CHAT: variants seen among roughly 807,000 people sequenced by gnomAD.
CHAT encodes choline O-acetyltransferase.
Under a neutral mutation model 76.9 loss-of-function variants are expected in CHAT, and 61 were observed. The ratio of observed to expected loss-of-function variants is 0.79; its 90% confidence interval spans 0.65 to 0.98. CHAT has a LOEUF of 0.98. CHAT is among the 50% of genes least tolerant of loss of function. The probability of loss-of-function intolerance (pLI) is 0.00; values close to 1 mark genes in which losing one functional copy is unlikely to be tolerated. For synonymous variants in CHAT, 407 were observed against 397.4 expected (o/e 1.02, Z -0.29); for missense variants, 946 against 986.9 (o/e 0.96, Z 0.56).
At chr10:49,647,671 G>A (rs888175545) in intron 8 of CHAT, among the ~76,000 whole-genome samples, 2 of 152,108 alleles carry the variant, frequency 1.3e-5, no homozygotes, top group Non-Finnish European at 2.9e-5. Flanking sequence ...GAGCTGTGGG[G>A]GTGAACCGAT....
rs1041358496 is a variant in CHAT, at chr10:49,666,199, G to T, written c.*1153G>T. Among the ~76,000 whole-genome samples, 2 of 152,136 alleles carry T rather than the reference G, an allele frequency of 1.3e-5. No homozygotes were observed. The highest frequency in any genetic ancestry group is 1.9e-4 in the East Asian group (1 of 5,168). On this transcript the variant is annotated 3_prime_UTR_variant, in exon 15 of 15. Coordinates refer to ENST00000337653, the MANE Select transcript of CHAT (RefSeq NM_020549.5). Reference sequence around the variant, plus strand: ...GGGACAGCTGGCAGGGAGCAGGGCTGGGAGGAGGGCACAGCCTCCTCCAGA... The same window carrying T: ...GGGACAGCTGGCAGGGAGCAGGGCTTGGAGGAGGGCACAGCCTCCTCCAGA...
intron 7 of CHAT, among the ~76,000 whole-genome samples, chr10:49,638,771 C>T (rs1422091873): frequency 1.3e-5 from 2 of 152,054 alleles, no homozygotes; most frequent in Non-Finnish European, 2.9e-5. Flanking sequence ...CATTTAGAAC[C>T]ACATCAGGCA....
rs1314824391 is a variant in CHAT at position 49,655,163 on chromosome 10, A to G, written c.1703A>G (p.Asp568Gly). Residue 568 changes from aspartate (D) to glycine (G), a missense_variant, in exon 12 of 15, where the codon GAC (aspartate) becomes GGC (glycine). By Grantham distance (94) the Asp-to-Gly change is moderately conservative (BLOSUM62 -1). This residue lies in a region of CHAT where 349 missense variants were observed against 393.9 expected (regional missense o/e 0.89). Coordinates refer to ENST00000337653, the MANE Select transcript of CHAT (RefSeq NM_020549.5). Reference protein sequence around the residue: ...SIRRFQEGRVDNIRSATPEAL... With the variant: ...SIRRFQEGRVGNIRSATPEAL... ...CGCCGATTCCAGGAGGGACGCGTGG[A>G]CAACATCAGATCGGCCACTCCAGAG... is the stretch of plus-strand genomic sequence containing the variant. 1 of 1,614,010 alleles carries G rather than the reference A, an allele frequency of 6.2e-7. No homozygotes were observed. Among genetic ancestry groups the G allele is most frequent in the East Asian group, 2.2e-5 (1 of 44,882 alleles).
Position 49,620,589 on chromosome 10 carries a change from T to G in CHAT, c.674T>G (p.Phe225Cys). ...GCCGTGATCTTTGCTCGGCAGCACTTCCCTGGCACCGATGACCAGCTGAGG... is the reference window on the plus strand; with the variant it reads ...GCCGTGATCTTTGCTCGGCAGCACTGCCCTGGCACCGATGACCAGCTGAGG... ...SPAVIFARQH[F>C]PGTDDQLRFA... is the part of the protein sequence containing the mutation. Residue 225 changes from phenylalanine (F) to cysteine (C), a missense_variant, in exon 4 of 15, where the codon TTC becomes TGC. Phe to Cys is a radical substitution (Grantham distance 205). Coordinates refer to ENST00000337653, the MANE Select transcript of CHAT (RefSeq NM_020549.5). The G allele has an allele frequency of 6.2e-7, 1 of 1,613,414 alleles. No individual in the cohort carries two copies. The highest frequency in any genetic ancestry group is 1.1e-5 in the South Asian group (1 of 91,052).
chr10:49,644,290 T>C (rs1193052440), intron 7 of CHAT, among the ~76,000 whole-genome samples: 2 of 152,130 alleles, frequency 1.3e-5, no homozygotes, highest in Non-Finnish European at 2.9e-5. Flanking sequence ...CGCAGGGATC[T>C]AGGGTGGGAA....
chr10:49,611,745 C>A (rs765452393), upstream of CHAT: 15 of 1,604,586 alleles, frequency 9.3e-6, no homozygotes, highest in Non-Finnish European at 1.3e-5. Flanking sequence ...TGCCGGCCTT[C>A]GTGCCTCATG....
At chr10:49,612,292 T>C (rs1255542294), upstream of CHAT, 1 of 1,612,214 alleles carries the variant, frequency 6.2e-7, no homozygotes, top group Non-Finnish European at 8.5e-7. Context: ...GCCTGGCCCT[T>C]TTGATGCGTG....
chr10:49,649,528 TGATCCGAGCA>T lies in CHAT; in HGVS notation c.1406_1415del (p.Ile469ThrfsTer24). On this transcript the variant is annotated frameshift_variant, in exon 10 of 15. Coordinates refer to ENST00000337653, the MANE Select transcript of CHAT (RefSeq NM_020549.5). LOFTEE classifies it high-confidence loss of function. Reference sequence around the variant, plus strand: ...CGCAGGACGCAGAGCAGCAGGAAGCTGATCCGAGCAGACTCCGTCAGCGAGCTCCCCGCCC... The same window carrying T: ...CGCAGGACGCAGAGCAGCAGGAAGCTGACTCCGTCAGCGAGCTCCCCGCCC... 1 of 1,613,864 alleles carries T rather than the reference TGATCCGAGCA, an allele frequency of 6.2e-7. No homozygotes were observed. Among genetic ancestry groups the T allele is most frequent in the South Asian group, 1.1e-5 (1 of 91,090 alleles).
intron 1 of CHAT, chr10:49,615,761 C>T (rs2132699624): frequency 1.9e-6 from 1 of 513,780 alleles, no homozygotes. Context: ...ATTAATCTGC[C>T]TCTCCCCAGA....
Position 49,660,686 on chromosome 10 carries a change from T to G in CHAT, c.1840-1959T>G, listed in dbSNP as rs144600343. On this transcript the variant is annotated intron_variant, in intron 13 of 14. Coordinates refer to ENST00000337653, the MANE Select transcript of CHAT (RefSeq NM_020549.5). ...TATAAATATATGACAATAACAACTT[T>G]AAATTTATTAAAATGTCTAGGAAAA... Among the ~76,000 whole-genome samples the G allele has an allele frequency of 4.5e-3, 684 of 152,344 alleles. 7 individuals carry two copies. The highest frequency in any genetic ancestry group is 0.016 in the African/African-American group (657 of 41,586).
chr10:49,645,696 TC>T (rs1839637580), intron 7 of CHAT, among the ~76,000 whole-genome samples: 1 of 152,124 alleles, frequency 6.6e-6, no homozygotes, highest in Admixed American at 6.5e-5. Flanking sequence ...TGTGCCTGAC[TC>T]CCGCTCCTGA....
In CHAT at chr10:49,620,597, A is replaced by G; in HGVS notation, c.682A>G (p.Thr228Ala). The change falls in exon 4 of 15, where the codon ACC becomes GCC. Residue 228 changes from threonine to alanine, a missense_variant. Physicochemically the swap from Thr to Ala is moderately conservative, Grantham distance 58 (BLOSUM62 0). Transcript: ENST00000337653. Reference sequence around the variant, plus strand: ...CTTTGCTCGGCAGCACTTCCCTGGCACCGATGACCAGCTGAGGTGAGGCCT... The same window carrying G: ...CTTTGCTCGGCAGCACTTCCCTGGCGCCGATGACCAGCTGAGGTGAGGCCT... ...VIFARQHFPG[T>A]DDQLRFAASL... 1 of 1,613,112 alleles carries G rather than the reference A, an allele frequency of 6.2e-7. No homozygotes were observed. Among genetic ancestry groups the G allele is most frequent in the Non-Finnish European group, 8.5e-7 (1 of 1,179,276 alleles).
intron 7 of CHAT, among the ~76,000 whole-genome samples, chr10:49,630,483 C>A (rs1005571432): frequency 5.9e-5 from 9 of 152,128 alleles, no homozygotes; most frequent in African/African-American, 1.4e-4. Flanking sequence ...CAAATGCTTG[C>A]ACACTGACAG....
chr10:49,612,345 C>G, upstream of CHAT: 1 of 1,576,270 alleles, frequency 6.3e-7, no homozygotes, highest in East Asian at 2.3e-5. Flanking sequence ...GCTAGCATCC[C>G]CACTCCTCCT....
chr10:49,640,437 C>T (rs1839441370), intron 7 of CHAT, among the ~76,000 whole-genome samples: 1 of 152,038 alleles, frequency 6.6e-6, no homozygotes, highest in South Asian at 2.1e-4. Context: ...GAGGTGGAAG[C>T]ACAGGCACTT....
intron 7 of CHAT, among the ~76,000 whole-genome samples, chr10:49,643,201 T>C (rs377435076): frequency 4.6e-5 from 7 of 152,242 alleles, no homozygotes; most frequent in East Asian, 1.9e-4. Context: ...ATTTGGCACA[T>C]AGTAGGTGCT....
rs545060554 is a variant in CHAT at position 49,644,952 on chromosome 10, A to G, written c.1112-1553A>G. On this transcript the variant is annotated intron_variant, in intron 7 of 14. Coordinates refer to ENST00000337653, the MANE Select transcript of CHAT (RefSeq NM_020549.5). ...CAAAACGCAGGCGAGAGCTCCCACC[A>G]TTATATCTGTGATCCAGGCAGCAGG... 2.6e-5 allele frequency among the ~76,000 whole-genome samples: 4 copies of G among 152,308 alleles called. No individual in the cohort carries two copies. The South Asian group carries it at 8.3e-4, about 32-fold the overall frequency.
upstream of CHAT, chr10:49,611,467 G>A (rs771935500): frequency 1.3e-6 from 2 of 1,599,054 alleles, no homozygotes; most frequent in African/African-American, 1.3e-5. Context: ...CGGCAAGCGC[G>A]TGCCCTTCTT....
At chr10:49,662,838 G>A in intron 14 of CHAT, 56 bp downstream of exon 14, 1 of 1,611,440 alleles carries the variant, frequency 6.2e-7, no homozygotes, top group East Asian at 2.2e-5. Context: ...GCTTTCTAAA[G>A]AGCAGTGACA....
Sources: allele counts gnomAD v4.1 joint callset (sites outside exome capture counted in the v4.1 genomes callset), GRCh38; gene constraint gnomAD v4.1.1; regional missense constraint gnomAD v4.1.1; transcripts MANE v1.5; gene names NCBI Gene and HGNC (gene_info 2026-07-23, HGNC 2026-07-21).